The following RPS6KC1 variants were observed in gnomAD, a reference collection of about 807,000 sequenced individuals.
The protein encoded by RPS6KC1 is inactive ribosomal protein S6 kinase delta-1.
In RPS6KC1, 54 loss-of-function variants were observed where a neutral mutation model predicts 103.8. The observed-to-expected ratio is 0.52, with a 90% CI of 0.42 to 0.65. The LOEUF is 0.65. RPS6KC1 is among the 30% of genes least tolerant of loss of function. The probability of loss-of-function intolerance (pLI) is 0.00; values close to 1 mark genes in which losing one functional copy is unlikely to be tolerated. For synonymous variants in RPS6KC1, 439 were observed against 438.7 expected (o/e 1.00, Z -0.01); for missense variants, 1,151 against 1,253.8 (o/e 0.92, Z 1.24).
intron 5 of RPS6KC1, among the ~76,000 whole-genome samples, chr1:213,123,499 T>C (rs529317512): frequency 6.6e-6 from 1 of 152,294 alleles, no homozygotes; most frequent in South Asian, 2.1e-4. Context: ...AAGAACGTTA[T>C]AAAAATGTGA....
At chr1:213,844,354 T>A in the RPS6KC1 span, among the ~76,000 whole-genome samples, 1 of 152,238 alleles carries the variant, frequency 6.6e-6, no homozygotes, top group Non-Finnish European at 1.5e-5. Context: ...CTTTTCTTTT[T>A]TGCACTGATT....
At chr1:213,366,566 G>T in the RPS6KC1 span, among the ~76,000 whole-genome samples, 1 of 152,232 alleles carries the variant, frequency 6.6e-6, no homozygotes. Flanking sequence ...TAGCACAAAA[G>T]TAACCACAGA....
the RPS6KC1 span, among the ~76,000 whole-genome samples, chr1:213,747,129 C>A: frequency 2.0e-5 from 3 of 151,978 alleles, no homozygotes; most frequent in Non-Finnish European, 2.9e-5. Flanking sequence ...CTGGGACATT[C>A]CAACATTAAG....
intron 8 of RPS6KC1, among the ~76,000 whole-genome samples, chr1:213,219,039 G>T (rs1376293511): frequency 2.0e-5 from 3 of 152,144 alleles, no homozygotes; most frequent in African/African-American, 7.2e-5. Context: ...AAGAGCTTCT[G>T]CACAGCAAAA....
At chr1:213,811,974 TTAGA>T in the RPS6KC1 span, among the ~76,000 whole-genome samples, 4 of 152,196 alleles carry the variant, frequency 2.6e-5, no homozygotes, top group Admixed American at 6.5e-5. Context: ...ACTTTGTAAA[TTAGA>T]TAGTTTTATT....
At chr1:213,761,204 C>A in the RPS6KC1 span, among the ~76,000 whole-genome samples, 1 of 152,018 alleles carries the variant, frequency 6.6e-6, no homozygotes, top group Admixed American at 6.6e-5. Flanking sequence ...TGGGTTTTTA[C>A]GCTGTTTGAT....
the RPS6KC1 span, among the ~76,000 whole-genome samples, chr1:213,530,656 G>A: frequency 6.6e-6 from 1 of 152,246 alleles, no homozygotes; most frequent in Non-Finnish European, 1.5e-5. Context: ...CTTATAGCAG[G>A]AGGTGGACCT....
chr1:213,202,761 A>G (rs911326516), intron 8 of RPS6KC1, among the ~76,000 whole-genome samples: 2 of 152,230 alleles, frequency 1.3e-5, no homozygotes, highest in Non-Finnish European at 2.9e-5. Context: ...TGTGTGTTTT[A>G]TAAATACCTC....
the RPS6KC1 span, among the ~76,000 whole-genome samples, chr1:213,512,019 G>A: frequency 6.6e-6 from 1 of 152,196 alleles, no homozygotes; most frequent in Non-Finnish European, 1.5e-5. Context: ...ATGACTAAAT[G>A]AGCATGTGAG....
At chr1:213,290,879 G>A in the RPS6KC1 span, among the ~76,000 whole-genome samples, 9 of 152,234 alleles carry the variant, frequency 5.9e-5, no homozygotes, top group African/African-American at 1.2e-4. Flanking sequence ...GTTAGGCAGC[G>A]TAGATGATTC....
At chr1:213,576,339 C>G in the RPS6KC1 span, among the ~76,000 whole-genome samples, 1 of 149,836 alleles carries the variant, frequency 6.7e-6, no homozygotes, top group Non-Finnish European at 1.5e-5. Flanking sequence ...TGCAGGTATA[C>G]CTTGCATTAT....
chr1:213,231,756 A>AT (rs2094109351), intron 9 of RPS6KC1, among the ~76,000 whole-genome samples: 1 of 152,224 alleles, frequency 6.6e-6, no homozygotes, highest in Admixed American at 6.5e-5. Flanking sequence ...AGGAGTTTGC[A>AT]TTGGTCTTAC....
chr1:213,647,545 C>T, the RPS6KC1 span, among the ~76,000 whole-genome samples: 2 of 152,160 alleles, frequency 1.3e-5, no homozygotes, highest in Non-Finnish European at 2.9e-5. Context: ...AGACAAGTCC[C>T]CATAACCTGG....
rs776576816 is a variant in RPS6KC1, at chr1:213,051,416, C to T, written c.12C>T (p.Tyr4=). ...GAGGCGGCGGGAGGATGACCTCTTA[C>T]CGGGAGCGGAGTGCCGACCTGGCCC... is the stretch of plus-strand genomic sequence containing the variant. MTS[Y]RERSADLARF... The change falls in exon 1 of 15, where the codon TAC becomes TAT. Residue 4 remains tyrosine (Y), a synonymous_variant. Coordinates refer to ENST00000366960, the MANE Select transcript of RPS6KC1 (RefSeq NM_012424.6). The T allele has an allele frequency of 6.2e-7, 1 of 1,612,776 alleles. No homozygotes were observed. The highest frequency in any genetic ancestry group is 1.1e-5 in the South Asian group (1 of 90,992).
At chr1:213,437,155 TA>T in the RPS6KC1 span, among the ~76,000 whole-genome samples, 1 of 152,122 alleles carries the variant, frequency 6.6e-6, no homozygotes, top group Admixed American at 6.5e-5. Flanking sequence ...AGATCCCCTT[TA>T]TCAAATTAAG....
chr1:213,587,619 G>C, the RPS6KC1 span, among the ~76,000 whole-genome samples: 179 of 152,346 alleles, frequency 1.2e-3, no homozygotes, highest in Admixed American at 2.6e-3. Context: ...AGGTAAAGCA[G>C]CTGAGATTTT....
At chr1:213,621,301 T>A in the RPS6KC1 span, among the ~76,000 whole-genome samples, 1 of 151,720 alleles carries the variant, frequency 6.6e-6, no homozygotes, top group Non-Finnish European at 1.5e-5. Flanking sequence ...ACTAGAACAA[T>A]AGATACGGCT....
the RPS6KC1 span, among the ~76,000 whole-genome samples, chr1:213,672,273 C>T: frequency 2.0e-5 from 3 of 152,230 alleles, no homozygotes; most frequent in Non-Finnish European, 4.4e-5. Flanking sequence ...TTGGCCACAA[C>T]CTGATCTCTT....
the RPS6KC1 span, among the ~76,000 whole-genome samples, chr1:213,426,223 G>GT: frequency 1.3e-5 from 2 of 152,192 alleles, no homozygotes; most frequent in African/African-American, 4.8e-5. Flanking sequence ...CTTGTGTCTG[G>GT]TATTGTGTTC....
Sources: allele counts gnomAD v4.1 joint callset (sites outside exome capture counted in the v4.1 genomes callset), GRCh38; gene constraint gnomAD v4.1.1; transcripts MANE v1.5; gene names NCBI Gene and HGNC (gene_info 2026-07-23, HGNC 2026-07-21).